The following BCL11B variants were observed in gnomAD, a reference collection of about 807,000 sequenced individuals.
BCL11B encodes B-cell lymphoma/leukemia 11B.
BCL11B carries 8 observed loss-of-function variants against 49.9 expected under a neutral mutation model. The observed-to-expected ratio is 0.16, with a 90% CI of 0.09 to 0.29. BCL11B has a LOEUF of 0.29. BCL11B is among the 10% of genes least tolerant of loss of function. BCL11B has a pLI of 1.00. For missense variants in BCL11B, 1,006 were observed against 1,351.0 expected, an observed-to-expected ratio of 0.74 and a Z score of 4.00; for synonymous variants, 739 against 637.4, an observed-to-expected ratio of 1.16 and a Z score of -2.40.
intron 3 of BCL11B, among the ~76,000 whole-genome samples, chr14:99,199,640 CTGTGTG>C (rs79328426): frequency 0.015 from 1,660 of 109,490 alleles, 26 homozygotes; most frequent in Admixed American, 0.045. Context: ...TGGCTAAATG[CTGTGTG>C]TGTGTGTGTG....
rs1400852543 is a variant in BCL11B, at chr14:99,173,358, T to C, written c.*793A>G. ...ACCCTATCTCTGGCGGCGCTGAGTC[T>C]GTGGGGTGCCTCCCCCAGCACCACC... On this transcript the variant is annotated 3_prime_UTR_variant, in exon 4 of 4. Transcript: ENST00000357195. 1.8e-5 allele frequency: 4 copies of C among 221,004 alleles called. No homozygotes were observed. Among genetic ancestry groups the C allele is most frequent in the African/African-American group, 2.2e-5 (1 of 44,548 alleles). The allele number at this position is 221,004 out of a possible 1,614,324, so 13.7% of individuals were successfully genotyped here.
At chr14:99,176,413 G>A (rs773392015) in intron 3 of BCL11B, among the ~76,000 whole-genome samples, 2 of 152,182 alleles carry the variant, frequency 1.3e-5, no homozygotes, top group Non-Finnish European at 2.9e-5. Flanking sequence ...GGCCGCCCTG[G>A]CCACCCGGGC....
chr14:99,213,818 C>T lies in BCL11B; in HGVS notation c.640+17527G>A, dbSNP rs1483289028. Reference sequence around the variant, plus strand: ...AAGGCACAGGGGCCCCTGGCAAGGGCCCCCCGAGGGGCTGCCCCGTGCGCC... The same window carrying T: ...AAGGCACAGGGGCCCCTGGCAAGGGTCCCCCGAGGGGCTGCCCCGTGCGCC... On this transcript the variant is annotated intron_variant, in intron 3 of 3. Transcript: ENST00000357195. The surrounding 1 kb of genome is among the most constrained non-coding windows in gnomAD (Gnocchi z 5.1). Among the ~76,000 whole-genome samples, 1 of 152,170 alleles carries T rather than the reference C, an allele frequency of 6.6e-6. No homozygotes were observed. Among genetic ancestry groups the T allele is most frequent in the Admixed American group, 6.5e-5 (1 of 15,288 alleles).
Position 99,231,147 on chromosome 14 carries a change from T to TG in BCL11B, c.640+197dup, listed in dbSNP as rs1888319269. On this transcript the variant is annotated intron_variant, in intron 3 of 3. Transcript: ENST00000357195. The surrounding 1 kb of genome is among the most constrained non-coding windows in gnomAD (Gnocchi z 8.1). Reference sequence around the variant, plus strand: ...ACTCTCAGAACGGGTGGGGGCACCGTGGGGGACTCCTGACCGAGGGGCACC... The same window carrying TG: ...ACTCTCAGAACGGGTGGGGGCACCGTGGGGGGACTCCTGACCGAGGGGCACC... 6.6e-6 allele frequency among the ~76,000 whole-genome samples: 1 copy of TG among 152,034 alleles called. No individual in the cohort carries two copies. The highest frequency in any genetic ancestry group is 2.1e-4 in the South Asian group (1 of 4,824).
At chr14:99,253,344 G>A (rs1047554970) in intron 2 of BCL11B, among the ~76,000 whole-genome samples, 1 of 152,200 alleles carries the variant, frequency 6.6e-6, no homozygotes, top group African/African-American at 2.4e-5. Flanking sequence ...TGCCTGTGAT[G>A]GTGGATTTAG....
At chr14:99,246,488 A>C (rs1888843344) in intron 2 of BCL11B, among the ~76,000 whole-genome samples, 1 of 152,136 alleles carries the variant, frequency 6.6e-6, no homozygotes, top group African/African-American at 2.4e-5. Context: ...AGTGCCGAGG[A>C]GCCTCCCGAC....
In BCL11B at chr14:99,170,905, A is replaced by G. The variant is rs1886268243; in HGVS notation, c.*3246T>C. On this transcript the variant is annotated 3_prime_UTR_variant, in exon 4 of 4. Transcript: ENST00000357195. ...TTGTTTCACAATTTCTCAAGGACTAAAGCAGCTCAGTTTGCATTGCTTTCT... is the reference window on the plus strand; with the variant it reads ...TTGTTTCACAATTTCTCAAGGACTAGAGCAGCTCAGTTTGCATTGCTTTCT... 1.7e-5 allele frequency: 4 copies of G among 232,348 alleles called. No individual in the cohort carries two copies. The allele number at this position is 232,348 out of a possible 1,614,324, so 14.4% of individuals were successfully genotyped here. A position where few individuals can be genotyped will look rare whatever the true frequency, so the allele number is the denominator to read the frequency against.
chr14:99,237,594 T>C (rs1888540563), intron 2 of BCL11B, among the ~76,000 whole-genome samples: 1 of 152,188 alleles, frequency 6.6e-6, no homozygotes, highest in Non-Finnish European at 1.5e-5. Context: ...CCGATGGCCA[T>C]TACGGGTCTC....
At chr14:99,188,185 T>G (rs1193964106) in intron 3 of BCL11B, among the ~76,000 whole-genome samples, 1 of 152,226 alleles carries the variant, frequency 6.6e-6, no homozygotes, top group East Asian at 1.9e-4. Context: ...GTTATTCCCT[T>G]GTTCTGAATT....
chr14:99,225,112 A>G (rs1888122499), intron 3 of BCL11B, among the ~76,000 whole-genome samples: 1 of 152,214 alleles, frequency 6.6e-6, no homozygotes, highest in African/African-American at 2.4e-5. Context: ...ATGGTCAGGC[A>G]GAAATCAATC....
At position 99,232,872 on chromosome 14, in the gene BCL11B, G is replaced by A. The variant is rs552222362; in HGVS notation, c.428-1315C>T. On this transcript the variant is annotated intron_variant, in intron 2 of 3. Transcript: ENST00000357195. This position sits in a 1 kb window ranked among gnomAD's most constrained non-coding sequence, Gnocchi z 5.1. ...GGGTTATCCAGGATCAAGGCATCAGGGCATTTAAGAAGACCCCCTGCTTAG... is the reference window on the plus strand; with the variant it reads ...GGGTTATCCAGGATCAAGGCATCAGAGCATTTAAGAAGACCCCCTGCTTAG... Among the ~76,000 whole-genome samples the A allele has an allele frequency of 2.6e-5, 4 of 152,248 alleles. No individual in the cohort carries two copies. The South Asian group carries it at 8.3e-4, about 32-fold the overall frequency.
Position 99,171,137 on chromosome 14 carries a change from T to C in BCL11B, c.*3014A>G, listed in dbSNP as rs1240881589. 2 of 228,848 alleles carry C rather than the reference T, an allele frequency of 8.7e-6. No individual in the cohort carries two copies. Among genetic ancestry groups the C allele is most frequent in the East Asian group, 6.2e-5 (1 of 16,016 alleles). The allele number at this position is 228,848 out of a possible 1,614,324, so 14.2% of individuals were successfully genotyped here. On this transcript the variant is annotated 3_prime_UTR_variant, in exon 4 of 4. Coordinates refer to ENST00000357195, the MANE Select transcript of BCL11B (RefSeq NM_138576.4). ...ACAAATAATTTCCCATCTGGTCTGC[T>C]GTGGCCACACCAAGGAGCCTTGATG...
At position 99,173,304 on chromosome 14, in the gene BCL11B, G is replaced by A. The variant is rs952684573; in HGVS notation, c.*847C>T. The A allele has an allele frequency of 1.3e-5, 3 of 222,408 alleles. No homozygotes were observed. Among genetic ancestry groups the A allele is most frequent in the African/African-American group, 4.5e-5 (2 of 44,616 alleles). The allele number at this position is 222,408 out of a possible 1,614,324, so 13.8% of individuals were successfully genotyped here. On this transcript the variant is annotated 3_prime_UTR_variant, in exon 4 of 4. Coordinates refer to ENST00000357195, the MANE Select transcript of BCL11B (RefSeq NM_138576.4). ...TCATGCACAACCTCAGAATGCTGTC[G>A]GGCCATTTCCCAGAGGAGCCCTCCA...
At chr14:99,269,411 G>A (rs1889581839) in intron 1 of BCL11B, among the ~76,000 whole-genome samples, 1 of 152,040 alleles carries the variant, frequency 6.6e-6, no homozygotes, top group African/African-American at 2.4e-5. Flanking sequence ...CGCAGCCGGC[G>A]AGTCTTCTTT....
At chr14:99,217,430 C>T (rs1372772310) in intron 3 of BCL11B, among the ~76,000 whole-genome samples, 1 of 115,500 alleles carries the variant, frequency 8.7e-6, no homozygotes, top group African/African-American at 3.8e-5. Context: ...CCTTTTATTA[C>T]GGGTCTGTGC....
intron 2 of BCL11B, among the ~76,000 whole-genome samples, chr14:99,243,809 C>A (rs1023063605): frequency 1.1e-4 from 16 of 152,150 alleles, no homozygotes; most frequent in African/African-American, 3.9e-4. Flanking sequence ...ACAGCACCTC[C>A]GAAGGAGGCT....
At chr14:99,253,537 T>G (rs1889069522) in intron 2 of BCL11B, among the ~76,000 whole-genome samples, 1 of 152,186 alleles carries the variant, frequency 6.6e-6, no homozygotes, top group East Asian at 1.9e-4. Context: ...AATGTCACAA[T>G]GACAGATGAG....
intron 2 of BCL11B, among the ~76,000 whole-genome samples, chr14:99,234,320 C>A (rs1888427077): frequency 6.6e-6 from 1 of 152,146 alleles, no homozygotes; most frequent in African/African-American, 2.4e-5. Flanking sequence ...GTGACTCTTA[C>A]CTCAACTTGA....
intron 3 of BCL11B, among the ~76,000 whole-genome samples, chr14:99,185,834 C>T (rs1170852078): frequency 2.0e-5 from 3 of 152,158 alleles, no homozygotes; most frequent in Non-Finnish European, 4.4e-5. Context: ...GGAAGAGTAT[C>T]AGGATGACCC....
Sources: allele counts gnomAD v4.1 joint callset (sites outside exome capture counted in the v4.1 genomes callset), GRCh38; gene constraint gnomAD v4.1.1; non-coding constraint Gnocchi (gnomAD v3.1); transcripts MANE v1.5; gene names NCBI Gene and HGNC (gene_info 2026-07-23, HGNC 2026-07-21).